Variants in TMTC2 observed in about 807,000 individuals in gnomAD.
The protein encoded by TMTC2 is transmembrane O-mannosyltransferase targeting cadherins 2.
TMTC2 carries 43 observed loss-of-function variants against 82.4 expected under a neutral mutation model. That is an observed-to-expected ratio of 0.52 (90% confidence interval 0.41 to 0.67). TMTC2 has a LOEUF of 0.67. Among genes scored for constraint, TMTC2 ranks in the 30% least tolerant of loss-of-function variants. The pLI, the probability that TMTC2 is intolerant of heterozygous loss-of-function variation, is 0.00. For synonymous variants in TMTC2, 408 were observed against 381.9 expected (o/e 1.07, Z -0.80); for missense variants, 919 against 1,012.4 (o/e 0.91, Z 1.25).
chr12:82,842,042 G>T (rs1592565908), intron 1 of TMTC2, among the ~76,000 whole-genome samples: 1 of 152,158 alleles, frequency 6.6e-6, no homozygotes, highest in Non-Finnish European at 1.5e-5. Context: ...AAATCGTCTT[G>T]CAAACACTTC....
intron 2 of TMTC2, among the ~76,000 whole-genome samples, chr12:82,872,194 CTCTGTCCCAGAAGG>C (rs1291977934): frequency 6.6e-6 from 1 of 152,098 alleles, no homozygotes; most frequent in Non-Finnish European, 1.5e-5. Flanking sequence ...TTTGGCATGC[CTCTGTCCCAGAAGG>C]GAAATGGGCA....
chr12:82,811,807 CTTTTTTTTT>C (rs1171596880), intron 1 of TMTC2, among the ~76,000 whole-genome samples: 5,093 of 90,994 alleles, frequency 0.056, 94 homozygotes, highest in Middle Eastern at 0.2. Context: ...TGCTCTCCTT[CTTTTTTTTT>C]TTTTTTTTTT....
At chr12:82,944,829 A>T in intron 4 of TMTC2, among the ~76,000 whole-genome samples, 1 of 152,196 alleles carries the variant, frequency 6.6e-6, no homozygotes, top group East Asian at 1.9e-4. Context: ...TCCACGTGGT[A>T]TTCAGAGAAC....
intron 7 of TMTC2, among the ~76,000 whole-genome samples, chr12:82,975,901 A>ATG (rs879926768): frequency 7.1e-6 from 1 of 141,664 alleles, no homozygotes; most frequent in Non-Finnish European, 1.6e-5. Context: ...TTTTTTTAAA[A>ATG]AAAAAATAAT....
At chr12:83,126,671 T>C (rs1263388176) in intron 11 of TMTC2, among the ~76,000 whole-genome samples, 1 of 152,070 alleles carries the variant, frequency 6.6e-6, no homozygotes, top group African/African-American at 2.4e-5. Context: ...TGAGTATGTA[T>C]ATGGGTGGGG....
At chr12:82,917,668 T>G (rs993870289) in intron 3 of TMTC2, among the ~76,000 whole-genome samples, 2 of 141,400 alleles carry the variant, frequency 1.4e-5, no homozygotes, top group Non-Finnish European at 3.1e-5. Context: ...GTGGTACCAT[T>G]TCGTCTCACT....
intron 11 of TMTC2, among the ~76,000 whole-genome samples, chr12:83,127,240 T>G (rs1430932573): frequency 6.6e-6 from 1 of 152,208 alleles, no homozygotes; most frequent in East Asian, 1.9e-4. Context: ...CAGTCACTCT[T>G]TTTAAAAGTT....
intron 1 of TMTC2, among the ~76,000 whole-genome samples, chr12:82,810,876 C>T (rs561646046): frequency 6.6e-6 from 1 of 152,094 alleles, no homozygotes; most frequent in African/African-American, 2.4e-5. Flanking sequence ...GTTGCTTCCC[C>T]TTCACCTTCC....
chr12:82,767,408 A>T, intron 1 of TMTC2, among the ~76,000 whole-genome samples: 1 of 152,092 alleles, frequency 6.6e-6, no homozygotes, highest in Admixed American at 6.6e-5. Context: ...ACATAGTGAG[A>T]TCCTGTGTTT....
At chr12:82,950,268 G>T (rs1189717370) in intron 4 of TMTC2, among the ~76,000 whole-genome samples, 1 of 152,078 alleles carries the variant, frequency 6.6e-6, no homozygotes, top group Non-Finnish European at 1.5e-5. Flanking sequence ...AGGGTGGAAA[G>T]AAATAATATG....
chr12:82,848,456 C>A (rs1442218678), intron 1 of TMTC2, among the ~76,000 whole-genome samples: 1 of 152,148 alleles, frequency 6.6e-6, no homozygotes, highest in African/African-American at 2.4e-5. Flanking sequence ...ATTTATCATA[C>A]TACAGGGAAA....
chr12:83,084,004 C>T lies in TMTC2; in HGVS notation c.2331+22173C>T, dbSNP rs141986923. Among the ~76,000 whole-genome samples, 427 of 152,234 alleles carry T rather than the reference C, an allele frequency of 2.8e-3. 1 individual carries two copies. The highest frequency in any genetic ancestry group is 0.01 in the African/African-American group (416 of 41,536). On this transcript the variant is annotated intron_variant, in intron 11 of 11. Coordinates refer to ENST00000321196, the MANE Select transcript of TMTC2 (RefSeq NM_152588.3). Reference sequence around the variant, plus strand: ...CCTAGAAATCTTCTCTTTTTACCCCCGACACGTATCCTCTGGGTCTTTTGG... The same window carrying T: ...CCTAGAAATCTTCTCTTTTTACCCCTGACACGTATCCTCTGGGTCTTTTGG...
At chr12:82,993,986 G>C (rs1879508772) in intron 8 of TMTC2, among the ~76,000 whole-genome samples, 1 of 152,022 alleles carries the variant, frequency 6.6e-6, no homozygotes, top group African/African-American at 2.4e-5. Flanking sequence ...TTGGGTCCAG[G>C]GGGTGCTGTG....
intron 2 of TMTC2, among the ~76,000 whole-genome samples, chr12:82,871,912 G>C (rs1454539127): frequency 6.6e-6 from 1 of 151,572 alleles, no homozygotes; most frequent in Non-Finnish European, 1.5e-5. Flanking sequence ...ACAAACACCT[G>C]CTCTCTCAGG....
chr12:83,086,188 T>G (rs1283098768), intron 11 of TMTC2, among the ~76,000 whole-genome samples: 1 of 151,254 alleles, frequency 6.6e-6, no homozygotes, highest in Non-Finnish European at 1.5e-5. Context: ...CGGGCAGAGG[T>G]GCTCCTCACT....
intron 1 of TMTC2, among the ~76,000 whole-genome samples, chr12:82,756,157 A>G (rs1007189365): frequency 6.6e-6 from 1 of 152,224 alleles, no homozygotes; most frequent in East Asian, 1.9e-4. Flanking sequence ...GGTATGTTCT[A>G]CTTTGTTTTT....
intron 8 of TMTC2, among the ~76,000 whole-genome samples, chr12:83,028,620 C>CT (rs1267612053): frequency 6.6e-6 from 1 of 152,068 alleles, no homozygotes; most frequent in Non-Finnish European, 1.5e-5. Context: ...CATGCTCTGC[C>CT]TGTCCTCTTT....
At chr12:82,998,101 T>C (rs543039407) in intron 8 of TMTC2, among the ~76,000 whole-genome samples, 2 of 152,210 alleles carry the variant, frequency 1.3e-5, no homozygotes, top group East Asian at 3.9e-4. Context: ...AGACCTTGAG[T>C]TGGTGACAGA....
At chr12:83,001,263 T>A (rs1879908172) in intron 8 of TMTC2, among the ~76,000 whole-genome samples, 1 of 152,212 alleles carries the variant, frequency 6.6e-6, no homozygotes, top group Non-Finnish European at 1.5e-5. Flanking sequence ...TCCAAACTTT[T>A]ACGCTCTGCT....
Sources: allele counts gnomAD v4.1 joint callset (sites outside exome capture counted in the v4.1 genomes callset), GRCh38; gene constraint gnomAD v4.1.1; transcripts MANE v1.5; gene names NCBI Gene and HGNC (gene_info 2026-07-23, HGNC 2026-07-21).